The following BTBD2 variants were observed in gnomAD, a reference collection of about 807,000 sequenced individuals.
BTBD2 encodes the protein BTB/POZ domain-containing protein 2.
In BTBD2, 15 loss-of-function variants were observed where a neutral mutation model predicts 44.0. The ratio of observed to expected loss-of-function variants is 0.34; its 90% CI spans 0.23 to 0.53. The LOEUF (loss-of-function observed/expected upper bound fraction) is 0.53, where lower values mean the gene tolerates loss of function less well. BTBD2 is among the 20% of genes least tolerant of loss of function. BTBD2 has a pLI of 0.95. For missense variants in BTBD2, 657 were observed against 746.4 expected (o/e 0.88, Z 1.39); for synonymous variants, 443 against 335.9 (o/e 1.32, Z -3.49).
intron 2 of BTBD2, among the ~76,000 whole-genome samples, chr19:1,995,318 G>A (rs2016236926): frequency 8.2e-6 from 1 of 122,180 alleles, no homozygotes; most frequent in Admixed American, 1.0e-4. Context: ...GTCTTGCTCT[G>A]TTGCCCAAGC....
At chr19:2,002,089 T>G (rs2016337341) in intron 1 of BTBD2, among the ~76,000 whole-genome samples, 1 of 152,030 alleles carries the variant, frequency 6.6e-6, no homozygotes, top group Non-Finnish European at 1.5e-5. Context: ...CATTTTTATT[T>G]TTAGTTTTTA....
At chr19:2,000,837 G>C (rs928885477) in intron 1 of BTBD2, among the ~76,000 whole-genome samples, 5 of 152,176 alleles carry the variant, frequency 3.3e-5, no homozygotes, top group Non-Finnish European at 7.4e-5. Flanking sequence ...ACTGGAACAC[G>C]ACCCAGCCAC....
chr19:1,992,950 G>A (rs1233928475), intron 3 of BTBD2, 70 bp downstream of exon 3: 2 of 852,322 alleles, frequency 2.3e-6, no homozygotes, highest in Non-Finnish European at 3.1e-6. Flanking sequence ...TCCAGCCTCG[G>A]TCCGCCCCAC....
chr19:1,989,806 G>T (rs549634413), intron 5 of BTBD2, 198 bp downstream of exon 5: 28 of 623,766 alleles, frequency 4.5e-5, no homozygotes, highest in Non-Finnish European at 5.9e-5. Flanking sequence ...CAGTGTGCAC[G>T]GTGGGGACAG....
At chr19:1,999,050 G>A (rs2016289973) in intron 1 of BTBD2, among the ~76,000 whole-genome samples, 1 of 152,112 alleles carries the variant, frequency 6.6e-6, no homozygotes, top group Non-Finnish European at 1.5e-5. Context: ...TGAACCTCCA[G>A]GACTGGCTGG....
chr19:2,008,872 G>A (rs1445943012), intron 1 of BTBD2, among the ~76,000 whole-genome samples: 1 of 151,952 alleles, frequency 6.6e-6, no homozygotes, highest in African/African-American at 2.4e-5. Context: ...CACTCAGCCT[G>A]AAAAGTCTTC....
At chr19:2,012,309 C>G (rs141443404) in intron 1 of BTBD2, among the ~76,000 whole-genome samples, 1 of 150,818 alleles carries the variant, frequency 6.6e-6, no homozygotes, top group African/African-American at 2.5e-5. Context: ...TGCGCCACCA[C>G]GCCCGGCTAA....
At chr19:1,989,930 T>C in intron 5 of BTBD2, 74 bp downstream of exon 5, 2 of 1,538,298 alleles carry the variant, frequency 1.3e-6, no homozygotes, top group East Asian at 2.3e-5. Flanking sequence ...TCGGGGGCAC[T>C]ATCCTCGGTA....
intron 1 of BTBD2, among the ~76,000 whole-genome samples, chr19:2,001,158 C>T (rs1370084554): frequency 2.0e-5 from 3 of 151,926 alleles, no homozygotes; most frequent in Non-Finnish European, 4.4e-5. Context: ...GTGGTGGACA[C>T]CTGTAGTCCC....
At chr19:1,992,209 T>C (rs1181472802) in intron 3 of BTBD2, among the ~76,000 whole-genome samples, 2 of 151,916 alleles carry the variant, frequency 1.3e-5, no homozygotes, top group Non-Finnish European at 2.9e-5. Context: ...CTTCCTGCTT[T>C]GGTCCCCCAA....
chr19:2,015,174 C>G, intron 1 of BTBD2, 123 bp downstream of exon 1: 1 of 1,287,436 alleles, frequency 7.8e-7, no homozygotes, highest in Non-Finnish European at 9.9e-7. Flanking sequence ...CAGAGGGGTG[C>G]AGGGCTCGGG....
At chr19:1,988,596 G>A (rs988399634) in intron 5 of BTBD2, 3 of 150,192 alleles carry the variant, frequency 2.0e-5, no homozygotes, top group South Asian at 2.1e-4. Context: ...ACGGAGTTTC[G>A]CTCTTGTCCC....
At chr19:1,988,090 C>A in intron 5 of BTBD2, 1 of 191,290 alleles carries the variant, frequency 5.2e-6, no homozygotes, top group Non-Finnish European at 1.1e-5. Flanking sequence ...CCCTGCTAGG[C>A]CTGTACCCCC....
At chr19:2,008,358 C>T (rs1414522775) in intron 1 of BTBD2, among the ~76,000 whole-genome samples, 2 of 147,940 alleles carry the variant, frequency 1.4e-5, no homozygotes, top group African/African-American at 2.5e-5. Flanking sequence ...GGAGCCCAGT[C>T]GTGCGATCTC....
At chr19:1,997,585 G>C (rs1451538535) in intron 1 of BTBD2, 122 bp from the exon 2 acceptor site, 3 of 1,420,278 alleles carry the variant, frequency 2.1e-6, no homozygotes, top group East Asian at 4.6e-5. Context: ...CAGCAGGCAT[G>C]TACCAGGCCC....
chr19:1,988,022 C>T (rs1025980116), intron 5 of BTBD2: 7 of 282,376 alleles, frequency 2.5e-5, no homozygotes, highest in Non-Finnish European at 4.7e-5. Context: ...TGGGTGGGGG[C>T]GGGGGGCTCC....
chr19:1,988,988 T>C (rs1341343392), intron 5 of BTBD2, among the ~76,000 whole-genome samples: 1 of 150,020 alleles, frequency 6.7e-6, no homozygotes, highest in Non-Finnish European at 1.5e-5. Context: ...TCTCGGCTCA[T>C]CACAACCTCC....
At position 1,987,796 on chromosome 19, in the gene BTBD2, C is replaced by A. The variant is rs541565267; in HGVS notation, c.989-104G>T. 387 of 1,229,598 alleles carry A rather than the reference C, an allele frequency of 3.1e-4. 6 individuals carry two copies. The South Asian group carries it at 5.6e-3, about 18-fold the overall frequency. The allele number at this position is 1,229,598 out of a possible 1,614,324, so 76.2% of individuals were successfully genotyped here. On this transcript the variant is annotated intron_variant, in intron 5 of 8. Coordinates refer to ENST00000255608, the MANE Select transcript of BTBD2 (RefSeq NM_017797.4). ...CCCTAAGATGTCTGCGTCGGACTTT[C>A]AAGGTGCAGGGACCTGGGCAGCCCC...
rs1047942711 is a variant in BTBD2, at chr19:1,992,573, AAC to A, written c.684+445_684+446del. Among the ~76,000 whole-genome samples, 5 of 150,516 alleles carry A rather than the reference AAC, an allele frequency of 3.3e-5. No homozygotes were observed. The Admixed American group carries it at 3.3e-4, about 10-fold the overall frequency. On this transcript the variant is annotated intron_variant, in intron 3 of 8. Transcript: ENST00000255608. The stretch of plus-strand genomic sequence containing the variant: ...TTTGAAGTATCACGGAAAAGTCCAA[AAC>A]ACATCTTTTTTTTTCAGGTGGAGTC...
Sources: allele counts gnomAD v4.1 joint callset (sites outside exome capture counted in the v4.1 genomes callset), GRCh38; gene constraint gnomAD v4.1.1; transcripts MANE v1.5; gene names NCBI Gene and HGNC (gene_info 2026-07-23, HGNC 2026-07-21).